SPATA31H1: variants seen among roughly 807,000 people sequenced by gnomAD.
The protein encoded by SPATA31H1 is SPATA31 subfamily H member 1, also known as spermatogenesis-associated protein 31H1.
chr2:27,553,173 A>C, the SPATA31H1 span, among the ~76,000 whole-genome samples: 1 of 152,104 alleles, frequency 6.6e-6, no homozygotes, highest in Non-Finnish European at 1.5e-5. Flanking sequence ...ACCTGTTGAA[A>C]GTGAGGCAAT....
chr2:27,577,559 G>A, the SPATA31H1 span: 2 of 1,613,994 alleles, frequency 1.2e-6, no homozygotes, highest in East Asian at 4.5e-5. The surrounding 1 kb of genome is among the most constrained non-coding windows in gnomAD (Gnocchi z 4.5). Context: ...GACTGCAAGG[G>A]GAAGAATCTG....
chr2:27,578,493 C>T, the SPATA31H1 span: 1 of 1,614,110 alleles, frequency 6.2e-7, no homozygotes, highest in Non-Finnish European at 8.5e-7. Flanking sequence ...GCCACATCTT[C>T]AAGAACTGAT....
chr2:27,547,457 G>A, the SPATA31H1 span, among the ~76,000 whole-genome samples: 1 of 151,978 alleles, frequency 6.6e-6, no homozygotes, highest in Non-Finnish European at 1.5e-5. Context: ...TTACAGGTGT[G>A]AGCCACCAGG....
At chr2:27,563,645 C>T in the SPATA31H1 span, among the ~76,000 whole-genome samples, 1 of 151,770 alleles carries the variant, frequency 6.6e-6, no homozygotes, top group Non-Finnish European at 1.5e-5. Context: ...CTGCAACCTC[C>T]ACCTTCCAAG....
chr2:27,542,077 G>C, the SPATA31H1 span, among the ~76,000 whole-genome samples: 1 of 151,940 alleles, frequency 6.6e-6, no homozygotes, highest in Non-Finnish European at 1.5e-5. Flanking sequence ...CCGACCTTAA[G>C]TTAATTAAAA....
the SPATA31H1 span, among the ~76,000 whole-genome samples, chr2:27,552,061 G>C: frequency 8.6e-5 from 13 of 151,908 alleles, 1 homozygote; most frequent in African/African-American, 3.2e-4. Context: ...TGATCCACCC[G>C]CCTTGGCCTC....
chr2:27,573,426 G>A, the SPATA31H1 span: 15 of 398,370 alleles, frequency 3.8e-5, no homozygotes, highest in African/African-American at 2.1e-4. Flanking sequence ...TGTCACAACT[G>A]TAGAATTGAA....
At chr2:27,554,590 T>C in the SPATA31H1 span, among the ~76,000 whole-genome samples, 1 of 151,974 alleles carries the variant, frequency 6.6e-6, no homozygotes, top group African/African-American at 2.4e-5. Flanking sequence ...TGTTTTGTTT[T>C]TGAGACAGAG....
At chr2:27,558,983 A>ATACATATATGGTGT in the SPATA31H1 span, among the ~76,000 whole-genome samples, 2 of 151,486 alleles carry the variant, frequency 1.3e-5, no homozygotes, top group Admixed American at 1.3e-4. Flanking sequence ...ATATATTTTA[A>ATACATATATGGTGT]AATCCATGTT....
At chr2:27,579,058 A>G in the SPATA31H1 span, 1 of 1,614,194 alleles carries the variant, frequency 6.2e-7, no homozygotes, top group Non-Finnish European at 8.5e-7. Flanking sequence ...ACTAAGAGGA[A>G]GCAAATGGAG....
At chr2:27,555,800 C>G in the SPATA31H1 span, among the ~76,000 whole-genome samples, 1 of 151,826 alleles carries the variant, frequency 6.6e-6, no homozygotes, top group Non-Finnish European at 1.5e-5. Flanking sequence ...CTTATTCCTC[C>G]TTTGAATATA....
At chr2:27,568,494 C>T in the SPATA31H1 span, 1 of 398,990 alleles carries the variant, frequency 2.5e-6, no homozygotes, top group Non-Finnish European at 4.4e-6. Flanking sequence ...GGCACTATTA[C>T]AAGCCATGGA....
chr2:27,579,830 A>G, the SPATA31H1 span: 1 of 1,614,060 alleles, frequency 6.2e-7, no homozygotes, highest in Non-Finnish European at 8.5e-7. Context: ...TCCAGTTGCT[A>G]GAAGATCTGC....
chr2:27,580,373 T>C, the SPATA31H1 span: 3 of 1,614,134 alleles, frequency 1.9e-6, no homozygotes, highest in Non-Finnish European at 2.5e-6. Context: ...AGAGTGACTC[T>C]GAAAGCACTC....
At chr2:27,569,386 A>T in the SPATA31H1 span, 3 of 398,858 alleles carry the variant, frequency 7.5e-6, no homozygotes. Flanking sequence ...GCTAAGACCC[A>T]GGGGGTCATC....
At chr2:27,571,863 G>C in the SPATA31H1 span, 1 of 398,504 alleles carries the variant, frequency 2.5e-6, no homozygotes, top group Admixed American at 4.4e-5. Context: ...CAGAGGAGAA[G>C]AGTTTGAAGA....
the SPATA31H1 span, chr2:27,571,102 C>T: frequency 3.8e-4 from 153 of 398,254 alleles, no homozygotes; most frequent in African/African-American, 2.6e-3. Flanking sequence ...ATGACATCTG[C>T]GGAATTAATC....
the SPATA31H1 span, chr2:27,570,177 G>T: frequency 2.5e-6 from 1 of 398,854 alleles, no homozygotes; most frequent in Non-Finnish European, 4.4e-6. Flanking sequence ...GACACCAGGA[G>T]CTCAGCTCGA....
chr2:27,567,206 T>C, the SPATA31H1 span: 1 of 631,906 alleles, frequency 1.6e-6, no homozygotes, highest in East Asian at 2.7e-5. Context: ...ATGAGCCAAA[T>C]TCTGTTTCCA....
Sources: allele counts gnomAD v4.1 joint callset (sites outside exome capture counted in the v4.1 genomes callset), GRCh38; gene constraint gnomAD v4.1.1; non-coding constraint Gnocchi (gnomAD v3.1); transcripts MANE v1.5; gene names NCBI Gene and HGNC (gene_info 2026-07-23, HGNC 2026-07-21).